Variants in MYRIP observed in about 807,000 individuals in gnomAD.
MYRIP encodes rab effector MyRIP.
Under a neutral mutation model 98.0 loss-of-function variants are expected in MYRIP, and 49 were observed. That is an observed-to-expected ratio of 0.50 (90% CI 0.40 to 0.63). The LOEUF is 0.63. Ranked by LOEUF, MYRIP falls within the 30% of genes least tolerant of loss-of-function variation. The pLI, the probability that MYRIP is intolerant of heterozygous loss-of-function variation, is 0.00. For synonymous variants in MYRIP, 404 were observed against 409.5 expected (o/e 0.99, Z 0.16); for missense variants, 1,004 against 1,058.2 (o/e 0.95, Z 0.71).
Position 39,944,045 on chromosome 3 carries a change from G to A in MYRIP, c.110+43119G>A, listed in dbSNP as rs534111391. Reference sequence around the variant, plus strand: ...AAAACCAATCAAAAAAGAAAATCAGGATAGGAATTTGAAAGTACCATGTGG... The same window carrying A: ...AAAACCAATCAAAAAAGAAAATCAGAATAGGAATTTGAAAGTACCATGTGG... On this transcript the variant is annotated intron_variant, in intron 2 of 16. Coordinates refer to ENST00000302541, the MANE Select transcript of MYRIP (RefSeq NM_015460.4). 1.5e-4 allele frequency among the ~76,000 whole-genome samples: 23 copies of A among 152,214 alleles called. No individual in the cohort carries two copies. In the South Asian group the frequency reaches 3.9e-3, roughly 26 times the overall value.
chr3:39,896,878 A>G (rs1053371394), intron 1 of MYRIP, among the ~76,000 whole-genome samples: 9 of 151,548 alleles, frequency 5.9e-5, no homozygotes, highest in Non-Finnish European at 1.3e-4. Flanking sequence ...TTTCATTTGC[A>G]AGGGTTGTAT....
At chr3:39,956,568 A>G (rs980432195) in intron 2 of MYRIP, among the ~76,000 whole-genome samples, 2 of 152,222 alleles carry the variant, frequency 1.3e-5, no homozygotes, top group African/African-American at 4.8e-5. Flanking sequence ...TGCCCACAAG[A>G]GAAAGCAGGA....
chr3:39,917,251 T>TA (rs1944184218), intron 2 of MYRIP, among the ~76,000 whole-genome samples: 1 of 151,828 alleles, frequency 6.6e-6, no homozygotes, highest in Non-Finnish European at 1.5e-5. Context: ...TAGTCTGACT[T>TA]ATGTAACAAG....
chr3:40,140,258 A>G (rs1949863858), intron 3 of MYRIP, among the ~76,000 whole-genome samples: 1 of 152,244 alleles, frequency 6.6e-6, no homozygotes, highest in Non-Finnish European at 1.5e-5. Context: ...TACTAGCAAC[A>G]TACGAGAGAT....
At chr3:39,892,869 C>T (rs2125661549) in intron 1 of MYRIP, among the ~76,000 whole-genome samples, 1 of 152,296 alleles carries the variant, frequency 6.6e-6, no homozygotes, top group Non-Finnish European at 1.5e-5. Flanking sequence ...AAATGCTTCT[C>T]ACATAATGTC....
At chr3:39,944,419 T>C (rs1245882908) in intron 2 of MYRIP, among the ~76,000 whole-genome samples, 3 of 151,950 alleles carry the variant, frequency 2.0e-5, no homozygotes, top group Non-Finnish European at 4.4e-5. Context: ...CTCAAAGATA[T>C]GGTAAGTGAA....
intron 3 of MYRIP, among the ~76,000 whole-genome samples, chr3:40,104,781 C>A (rs1432739392): frequency 6.6e-6 from 1 of 152,202 alleles, no homozygotes; most frequent in African/African-American, 2.4e-5. Flanking sequence ...ATATTAGCTT[C>A]TAAACTTGTC....
chr3:40,143,553 A>C (rs1218032917), intron 3 of MYRIP, among the ~76,000 whole-genome samples: 2 of 152,234 alleles, frequency 1.3e-5, no homozygotes, highest in Admixed American at 6.5e-5. Context: ...TGGAAGCCCC[A>C]AGGAAGAGCT....
At chr3:39,835,945 A>G (rs899712578) in intron 1 of MYRIP, among the ~76,000 whole-genome samples, 8 of 152,194 alleles carry the variant, frequency 5.3e-5, no homozygotes, top group African/African-American at 1.9e-4. Context: ...ATGGCTGCAT[A>G]GTATTCCATG....
At chr3:39,971,043 A>G (rs753546069) in intron 2 of MYRIP, among the ~76,000 whole-genome samples, 1 of 152,104 alleles carries the variant, frequency 6.6e-6, no homozygotes, top group Non-Finnish European at 1.5e-5. Flanking sequence ...ATTGCACTTT[A>G]TATAACATCT....
intron 4 of MYRIP, among the ~76,000 whole-genome samples, chr3:40,155,901 C>A (rs12631537): frequency 0.23 from 34,579 of 150,326 alleles, 4,393 homozygotes; most frequent in South Asian, 0.4. Context: ...AGCCCTTTGT[C>A]AGATGAGTAG....
chr3:39,921,622 T>G (rs1944305970), intron 2 of MYRIP, among the ~76,000 whole-genome samples: 1 of 152,180 alleles, frequency 6.6e-6, no homozygotes, highest in Non-Finnish European at 1.5e-5. Context: ...GGCTCACGCC[T>G]GTAATCTCAG....
chr3:40,065,847 G>A (rs1036970937), intron 3 of MYRIP, among the ~76,000 whole-genome samples: 5 of 152,082 alleles, frequency 3.3e-5, no homozygotes, highest in African/African-American at 7.2e-5. Context: ...AACACAGCTC[G>A]AGCACAATGC....
At position 39,977,278 on chromosome 3, in the gene MYRIP, G is replaced by A. The variant is rs191295706; in HGVS notation, c.111-66772G>A. Among the ~76,000 whole-genome samples, 265 of 152,172 alleles carry A rather than the reference G, an allele frequency of 1.7e-3. 4 individuals carry two copies. Among genetic ancestry groups the A allele is most frequent in the East Asian group, 8.7e-3 (45 of 5,154 alleles). On this transcript the variant is annotated intron_variant, in intron 2 of 16. Transcript: ENST00000302541. ...TGAGGACTAGAAGGAAATGAGGGGG[G>A]CAAGTCTTCAGGCCAGGCTCAGGCT...
At chr3:40,064,378 C>T (rs1273657225) in intron 3 of MYRIP, among the ~76,000 whole-genome samples, 1 of 152,162 alleles carries the variant, frequency 6.6e-6, no homozygotes, top group East Asian at 1.9e-4. Context: ...ACCTTGCTCT[C>T]TTTATCTATA....
chr3:39,910,355 A>T (rs1165026281), intron 2 of MYRIP, among the ~76,000 whole-genome samples: 1 of 152,236 alleles, frequency 6.6e-6, no homozygotes, highest in Admixed American at 6.5e-5. Flanking sequence ...GAAAACAAGG[A>T]CATTCAGGTG....
At chr3:39,810,190 C>T (rs1940623661) in intron 1 of MYRIP, among the ~76,000 whole-genome samples, 1 of 152,244 alleles carries the variant, frequency 6.6e-6, no homozygotes. Context: ...CTCGCCTCTG[C>T]GTTTCCCTCG....
chr3:40,060,596 T>TGAGAGAGAGAGAGAGAGAGAGAGAGAGA (rs35495297), intron 3 of MYRIP, among the ~76,000 whole-genome samples: 4,044 of 138,396 alleles, frequency 0.029, 140 homozygotes, highest in East Asian at 0.055. Flanking sequence ...TTTCTTTTTT[T>TGAGAGAGAGAGAGAGAGAGAGAGAGAGA]GAGAGAGAGA....
At chr3:40,232,931 C>T (rs1559468013) in intron 11 of MYRIP, 1 of 152,204 alleles carries the variant, frequency 6.6e-6, no homozygotes, top group Non-Finnish European at 1.5e-5. Context: ...TATTCAGAGG[C>T]AGGTGATGAC....
Sources: gnomAD v4.1 joint callset for allele counts (sites outside exome capture counted in the v4.1 genomes callset) on GRCh38, gnomAD v4.1.1 for gene constraint, MANE v1.5 for transcripts, NCBI Gene and HGNC (gene_info 2026-07-23, HGNC 2026-07-21) for gene names.